Variants in SRGAP2B observed in about 807,000 individuals in gnomAD.
SRGAP2B encodes the protein SLIT-ROBO Rho GTPase activating protein 2B, also known as SLIT-ROBO Rho GTPase-activating protein 2B.
Under a neutral mutation model 22.2 loss-of-function variants are expected in SRGAP2B, and 9 were observed. That is an observed-to-expected ratio of 0.41 (90% CI 0.24 to 0.71). SRGAP2B has a LOEUF of 0.71. Among genes scored for constraint, SRGAP2B ranks in the 30% least tolerant of loss-of-function variants. The pLI is 0.35. For synonymous variants in SRGAP2B, 36 were observed against 87.4 expected (o/e 0.41, Z 3.28); for missense variants, 114 against 235.8 (o/e 0.48, Z 3.38).
rs1328608047 is a variant in SRGAP2B at position 144,909,143 on chromosome 1, C to T, written c.487-3069G>A. 1.1e-3 allele frequency among the ~76,000 whole-genome samples: 158 copies of T among 150,370 alleles called. 13 individuals carry two copies. The highest frequency in any genetic ancestry group is 3.7e-3 in the African/African-American group (148 of 40,116). On this transcript the variant is annotated intron_variant, in intron 5 of 9. Coordinates refer to ENST00000612199, the Ensembl canonical transcript of SRGAP2B. The stretch of plus-strand genomic sequence containing the variant: ...AAGAATGGAAGCTGAAGCCGAAAAG[C>T]GGGTAGGCAAGCAGTAACTCATCTA...
chr1:144,998,686 A>G (rs1670887397), intron 2 of SRGAP2B, among the ~76,000 whole-genome samples: 1 of 150,976 alleles, frequency 6.6e-6, no homozygotes, highest in Non-Finnish European at 1.5e-5. Flanking sequence ...AAAGAAGAAG[A>G]TGCCTCCCTT....
At chr1:145,068,943 G>A (rs1332400036) in intron 2 of SRGAP2B, among the ~76,000 whole-genome samples, 54 of 102,510 alleles carry the variant, frequency 5.3e-4, no homozygotes, top group Admixed American at 1.1e-3. Flanking sequence ...GTGTGTGTGT[G>A]TGTGTATGTG....
At position 144,915,492 on chromosome 1, in the gene SRGAP2B, G is replaced by A. The variant is rs1224491679; in HGVS notation, c.424-738C>T. On this transcript the variant is annotated intron_variant, in intron 4 of 9. Transcript: ENST00000612199. Reference sequence around the variant, plus strand: ...TGTAATCCCAGCACTTTGAGAGGCCGAGGTGGGTGGATCAGCTGAGGTCAG... The same window carrying A: ...TGTAATCCCAGCACTTTGAGAGGCCAAGGTGGGTGGATCAGCTGAGGTCAG... Among the ~76,000 whole-genome samples, 70 of 150,492 alleles carry A rather than the reference G, an allele frequency of 4.7e-4. 2 individuals are homozygous for A. Among genetic ancestry groups the A allele is most frequent in the Non-Finnish European group, 7.2e-4 (49 of 67,916 alleles).
chr1:144,894,027 G>A (rs1234460844), intron 8 of SRGAP2B, among the ~76,000 whole-genome samples: 2 of 145,318 alleles, frequency 1.4e-5, no homozygotes, highest in African/African-American at 2.8e-5. Context: ...GAACAAGTTC[G>A]TTGCCTATGC....
At chr1:144,979,832 C>A (rs1373600859) in intron 3 of SRGAP2B, among the ~76,000 whole-genome samples, 3 of 151,674 alleles carry the variant, frequency 2.0e-5, no homozygotes, top group African/African-American at 4.9e-5. Context: ...CAGACACCAG[C>A]ACCATGCCTC....
intron 4 of SRGAP2B, among the ~76,000 whole-genome samples, chr1:144,922,785 A>C: frequency 6.6e-6 from 1 of 150,764 alleles, no homozygotes; most frequent in Non-Finnish European, 1.5e-5. Flanking sequence ...ACCACCCATC[A>C]AGTTCTGGTT....
intron 2 of SRGAP2B, among the ~76,000 whole-genome samples, chr1:145,007,558 G>C (rs1671687872): frequency 6.6e-6 from 1 of 150,656 alleles, no homozygotes; most frequent in Non-Finnish European, 1.5e-5. Flanking sequence ...CCACTGGAGA[G>C]GCCGCAGAGA....
intron 3 of SRGAP2B, among the ~76,000 whole-genome samples, chr1:144,985,683 C>T (rs1460831374): frequency 4.0e-5 from 6 of 150,146 alleles, no homozygotes; most frequent in African/African-American, 1.3e-4. Context: ...TTCCTACCCT[C>T]GCATAATACT....
intron 2 of SRGAP2B, among the ~76,000 whole-genome samples, chr1:145,009,468 G>C (rs1375569643): frequency 6.8e-6 from 1 of 146,460 alleles, no homozygotes; most frequent in East Asian, 2.0e-4. Context: ...GGCGCCTGTA[G>C]TCCCAGCTAC....
chr1:145,045,009 C>T (rs1337066234), intron 2 of SRGAP2B, among the ~76,000 whole-genome samples: 2 of 148,852 alleles, frequency 1.3e-5, no homozygotes, highest in Non-Finnish European at 3.0e-5. Context: ...AAAATGGAGC[C>T]TTTGTCTATT....
At chr1:144,922,462 C>T (rs1383252969) in intron 4 of SRGAP2B, among the ~76,000 whole-genome samples, 12 of 141,258 alleles carry the variant, frequency 8.5e-5, no homozygotes, top group Non-Finnish European at 1.8e-4. Context: ...TCTTTTTCTT[C>T]CCCAGTTTCA....
intron 5 of SRGAP2B, among the ~76,000 whole-genome samples, chr1:144,907,638 TG>T (rs1663089060): frequency 6.7e-5 from 10 of 149,666 alleles, no homozygotes; most frequent in Admixed American, 6.6e-4. Context: ...TGTCACAACT[TG>T]GGGATTGCTA....
At chr1:144,970,369 C>T (rs1668413423) in intron 3 of SRGAP2B, among the ~76,000 whole-genome samples, 3 of 108,478 alleles carry the variant, frequency 2.8e-5, no homozygotes, top group African/African-American at 3.9e-5. Context: ...AAATTGGAAA[C>T]CATCATTCTC....
At chr1:145,081,336 CATT>C (rs1312457873) in intron 2 of SRGAP2B, among the ~76,000 whole-genome samples, 2 of 150,298 alleles carry the variant, frequency 1.3e-5, no homozygotes, top group Non-Finnish European at 1.5e-5. Context: ...TCATCACCAT[CATT>C]ATTATAAGGG....
At chr1:144,920,478 G>T (rs1436196838) in intron 4 of SRGAP2B, among the ~76,000 whole-genome samples, 1 of 150,258 alleles carries the variant, frequency 6.7e-6, no homozygotes, top group Non-Finnish European at 1.5e-5. Context: ...CACTGAGTTT[G>T]CTCAGGCTGG....
At chr1:144,945,590 AAAAC>A (rs55768890) in intron 4 of SRGAP2B, among the ~76,000 whole-genome samples, 9,670 of 150,148 alleles carry the variant, frequency 0.064, 446 homozygotes, top group African/African-American at 0.088. Flanking sequence ...CCATCTCTTT[AAAAC>A]AAACAAACAA....
chr1:144,939,640 ATGGGTTGGTAGTGGTTATT>A (rs1447643189), intron 4 of SRGAP2B, among the ~76,000 whole-genome samples: 5 of 148,124 alleles, frequency 3.4e-5, no homozygotes, highest in African/African-American at 1.3e-4. Context: ...ACTCAACTGA[ATGGGTTGGTAGTGGTTATT>A]TGTGGTCCTG....
At chr1:144,975,359 G>A (rs1668818260) in intron 3 of SRGAP2B, among the ~76,000 whole-genome samples, 1 of 149,504 alleles carries the variant, frequency 6.7e-6, no homozygotes, top group Non-Finnish European at 1.5e-5. Flanking sequence ...AAATTTGATT[G>A]CAATTGCAAG....
chr1:144,950,677 T>C (rs1346144132), intron 4 of SRGAP2B, among the ~76,000 whole-genome samples: 1 of 144,824 alleles, frequency 6.9e-6, no homozygotes, highest in Non-Finnish European at 1.5e-5. Context: ...GTTAATTCTA[T>C]AACTAAGTGA....
Sources: gnomAD v4.1 joint callset for allele counts (sites outside exome capture counted in the v4.1 genomes callset) on GRCh38, gnomAD v4.1.1 for gene constraint, MANE v1.5 for transcripts, NCBI Gene and HGNC (gene_info 2026-07-23, HGNC 2026-07-21) for gene names.